The following GABBR2 variants were observed in gnomAD, a reference collection of about 807,000 sequenced individuals.
GABBR2 encodes the protein gamma-aminobutyric acid type B receptor subunit 2.
In GABBR2, 23 loss-of-function variants were observed where a neutral mutation model predicts 105.6. The observed-to-expected ratio is 0.22, with a 90% CI of 0.16 to 0.31. The LOEUF (loss-of-function observed/expected upper bound fraction) is 0.31, where lower values mean the gene tolerates loss of function less well. Among genes scored for constraint, GABBR2 ranks in the 10% least tolerant of loss-of-function variants. The pLI is 1.00. For synonymous variants in GABBR2, 478 were observed against 499.7 expected, an observed-to-expected ratio of 0.96 and a Z score of 0.58; for missense variants, 734 against 1,245.5, an observed-to-expected ratio of 0.59 and a Z score of 6.18.
chr9:98,502,658 C>G (rs1827427833), intron 3 of GABBR2, among the ~76,000 whole-genome samples: 1 of 152,226 alleles, frequency 6.6e-6, no homozygotes, highest in East Asian at 1.9e-4. Context: ...ACTGGACACT[C>G]CTGCCCTCCA....
intron 1 of GABBR2, among the ~76,000 whole-genome samples, chr9:98,682,562 G>A (rs531632221): frequency 3.3e-4 from 50 of 151,790 alleles, no homozygotes; most frequent in South Asian, 4.2e-4. Context: ...TTTTAGTAGA[G>A]ACATGGTTTT....
chr9:98,384,793 AACATT>A (rs751361537), intron 11 of GABBR2, among the ~76,000 whole-genome samples: 2 of 152,102 alleles, frequency 1.3e-5, no homozygotes, highest in Admixed American at 6.5e-5. Flanking sequence ...AATGTGAAGA[AACATT>A]ACTCTTTTTT....
chr9:98,372,050 A>G lies in GABBR2; in HGVS notation c.1663-479T>C, dbSNP rs1441093186. On this transcript the variant is annotated intron_variant, in intron 11 of 18. Transcript: ENST00000259455. Reference sequence around the variant, plus strand: ...ATGGGCCAGACTGGCCACTGAGCCCACACTTAGACCTTGGTCCCTGCTCAG... The same window carrying G: ...ATGGGCCAGACTGGCCACTGAGCCCGCACTTAGACCTTGGTCCCTGCTCAG... Among the ~76,000 whole-genome samples, 5 of 152,322 alleles carry G rather than the reference A, an allele frequency of 3.3e-5. No individual in the cohort carries two copies. In the South Asian group the frequency reaches 8.3e-4, roughly 25 times the overall value.
chr9:98,388,933 T>C lies in GABBR2; in HGVS notation c.1450A>G (p.Ile484Val), dbSNP rs1554698962. 1.2e-6 allele frequency: 2 copies of C among 1,613,596 alleles called. No homozygotes were observed. The highest frequency in any genetic ancestry group is 1.7e-6 in the Non-Finnish European group (2 of 1,179,562). Residue 484 changes from isoleucine to valine, a missense_variant, in exon 10 of 19, where the codon ATC becomes GTC. This residue lies in a region of GABBR2 where 370 missense variants were observed against 648.9 expected (regional missense o/e 0.57). Coordinates refer to ENST00000259455, the MANE Select transcript of GABBR2 (RefSeq NM_005458.8). The surrounding 1 kb of genome is among the most constrained non-coding windows in gnomAD (Gnocchi z 4.4). ...CCGAGGATGGTGAGGGCAGAGAGGA[T>C]GCTGTAGAGAGGTAGGGAGATCTTC... ...LRKISLPLYS[I>V]LSALTILGMI...
rs139022815 is a variant in GABBR2, at chr9:98,295,766, C to T, written c.2543-1864G>A. The stretch of plus-strand genomic sequence containing the variant: ...GTCTCGATCTCTTGACCTCGTGATC[C>T]GCCCACTTTGGCCTCCCAAAGTGCT... On this transcript the variant is annotated intron_variant, in intron 17 of 18. Transcript: ENST00000259455. 1.2e-3 allele frequency among the ~76,000 whole-genome samples: 190 copies of T among 152,268 alleles called. 1 individual carries two copies. Among genetic ancestry groups the T allele is most frequent in the African/African-American group, 4.1e-3 (172 of 41,548 alleles).
rs766984438 is a variant in GABBR2 at position 98,708,447 on chromosome 9, G to A, written c.291C>T (p.Tyr97=). The part of the protein sequence containing the change: ...QIRNESLLRP[Y]FLDLRLYDTE... ...TGTCATAGAGCCGCAGGTCGAGGAA[G>A]TAGGGGCGCAGGAGTGACTCGTTGC... The change falls in exon 1 of 19, where the codon TAC becomes TAT. Residue 97 remains tyrosine (Y), a synonymous_variant. Transcript: ENST00000259455. The A allele has an allele frequency of 7.7e-6, 12 of 1,552,468 alleles. No individual in the cohort carries two copies. The highest frequency in any genetic ancestry group is 5.2e-6 in the Non-Finnish European group (6 of 1,145,330).
intron 3 of GABBR2, among the ~76,000 whole-genome samples, chr9:98,527,533 T>C (rs1209152358): frequency 6.6e-6 from 1 of 152,096 alleles, no homozygotes; most frequent in Non-Finnish European, 1.5e-5. Flanking sequence ...GATGTGGATA[T>C]ATACATCAAT....
intron 13 of GABBR2, among the ~76,000 whole-genome samples, chr9:98,355,285 A>G (rs1034965886): frequency 6.6e-6 from 1 of 152,168 alleles, no homozygotes; most frequent in Non-Finnish European, 1.5e-5. Flanking sequence ...AATTATCAAC[A>G]TGTGACACCG....
At chr9:98,493,450 T>A (rs1827217335) in intron 4 of GABBR2, among the ~76,000 whole-genome samples, 1 of 152,230 alleles carries the variant, frequency 6.6e-6, no homozygotes, top group Non-Finnish European at 1.5e-5. Context: ...TTAGGAAAAC[T>A]CCCTTCTCCA....
chr9:98,364,699 C>T (rs1001285921), intron 12 of GABBR2, among the ~76,000 whole-genome samples: 2 of 150,652 alleles, frequency 1.3e-5, no homozygotes, highest in Non-Finnish European at 2.9e-5. Context: ...TTCCTGGGTT[C>T]AAGCAATTCT....
intron 3 of GABBR2, among the ~76,000 whole-genome samples, chr9:98,525,226 T>C (rs180683225): frequency 2.0e-5 from 3 of 152,274 alleles, no homozygotes; most frequent in East Asian, 1.9e-4. Context: ...AAAGAACCCT[T>C]AGAATGGGAG....
chr9:98,662,712 AG>A (rs1830280245), intron 1 of GABBR2, among the ~76,000 whole-genome samples: 1 of 152,174 alleles, frequency 6.6e-6, no homozygotes, highest in Non-Finnish European at 1.5e-5. Context: ...CTGAACCCCC[AG>A]GCCTGCAGTA....
Position 98,589,439 on chromosome 9 carries a change from G to C in GABBR2, c.322-11367C>G, listed in dbSNP as rs148296619. 2.3e-3 allele frequency among the ~76,000 whole-genome samples: 347 copies of C among 152,268 alleles called. 2 individuals are homozygous for C. The highest frequency in any genetic ancestry group is 7.9e-3 in the African/African-American group (328 of 41,536). On this transcript the variant is annotated intron_variant, in intron 1 of 18. Coordinates refer to ENST00000259455, the MANE Select transcript of GABBR2 (RefSeq NM_005458.8). ...ATGCATGAAACTTCTGGGCTATAGA[G>C]GTGTAGTCACTACAGAGAGGCCGCA...
At chr9:98,510,839 A>G (rs1422026080) in intron 3 of GABBR2, among the ~76,000 whole-genome samples, 4 of 152,200 alleles carry the variant, frequency 2.6e-5, no homozygotes, top group Non-Finnish European at 5.9e-5. Context: ...TTAACACCCC[A>G]CTGTCAACAT....
chr9:98,513,668 A>T (rs1827699942), intron 3 of GABBR2, among the ~76,000 whole-genome samples: 1 of 152,224 alleles, frequency 6.6e-6, no homozygotes, highest in Admixed American at 6.5e-5. Flanking sequence ...GCTCATCATC[A>T]CTGGCCATCA....
At chr9:98,658,825 C>G (rs1464888705) in intron 1 of GABBR2, among the ~76,000 whole-genome samples, 3 of 152,116 alleles carry the variant, frequency 2.0e-5, no homozygotes, top group Non-Finnish European at 4.4e-5. Context: ...CGTGAGACCC[C>G]CAACTCACCC....
intron 1 of GABBR2, among the ~76,000 whole-genome samples, chr9:98,699,622 A>G (rs1830802395): frequency 6.6e-6 from 1 of 152,156 alleles, no homozygotes; most frequent in African/African-American, 2.4e-5. Context: ...AGCCAGACAC[A>G]CCCAGTGCCT....
At chr9:98,386,311 C>T (rs1353000228) in intron 10 of GABBR2, among the ~76,000 whole-genome samples, 1 of 151,504 alleles carries the variant, frequency 6.6e-6, no homozygotes, top group East Asian at 1.9e-4. Context: ...GGAGAAAGTC[C>T]CATACCACAC....
chr9:98,522,197 T>C (rs1827881458), intron 3 of GABBR2, among the ~76,000 whole-genome samples: 1 of 151,920 alleles, frequency 6.6e-6, no homozygotes, highest in Non-Finnish European at 1.5e-5. Context: ...TCTCTCACAA[T>C]GTGAAGGAAA....
Sources: gnomAD v4.1 joint callset for allele counts (sites outside exome capture counted in the v4.1 genomes callset) on GRCh38, gnomAD v4.1.1 for gene constraint, gnomAD v4.1.1 regional missense constraint, Gnocchi (gnomAD v3.1) non-coding constraint, MANE v1.5 for transcripts, NCBI Gene and HGNC (gene_info 2026-07-23, HGNC 2026-07-21) for gene names.